The following DNAJC24 variants were observed in gnomAD, a reference collection of about 807,000 sequenced individuals.
The protein encoded by DNAJC24 is dnaJ homolog subfamily C member 24.
Under a neutral mutation model 18.0 loss-of-function variants are expected in DNAJC24, and 17 were observed. The ratio of observed to expected loss-of-function variants is 0.94; its 90% CI spans 0.65 to 1.42. DNAJC24 has a LOEUF of 1.42. Ranked by LOEUF, DNAJC24 falls within the 40% of genes most tolerant of loss-of-function variation. DNAJC24 has a pLI of 0.00. For synonymous variants in DNAJC24, 55 were observed against 57.7 expected, an observed-to-expected ratio of 0.95 and a Z score of 0.21; for missense variants, 158 against 175.6, an observed-to-expected ratio of 0.90 and a Z score of 0.57.
At chr11:31,401,992 T>C (rs1415242494) in intron 2 of DNAJC24, among the ~76,000 whole-genome samples, 1 of 152,208 alleles carries the variant, frequency 6.6e-6, no homozygotes, top group African/African-American at 2.4e-5. Context: ...TGGTTTTGAC[T>C]AGATACAGCC....
At chr11:31,429,170 TGTG>T (rs926783301) in intron 4 of DNAJC24, among the ~76,000 whole-genome samples, 5 of 151,942 alleles carry the variant, frequency 3.3e-5, no homozygotes, top group African/African-American at 1.2e-4. Context: ...GCAAAGGCAT[TGTG>T]GTAAAGAATA....
intron 3 of DNAJC24, among the ~76,000 whole-genome samples, chr11:31,418,139 G>A (rs1952768194): frequency 6.6e-6 from 1 of 152,054 alleles, no homozygotes; most frequent in Non-Finnish European, 1.5e-5. Context: ...ATTAGTTCTA[G>A]TTGGCATATT....
chr11:31,379,463 G>T (rs1952353519), intron 2 of DNAJC24, among the ~76,000 whole-genome samples: 1 of 152,134 alleles, frequency 6.6e-6, no homozygotes, highest in Non-Finnish European at 1.5e-5. Flanking sequence ...AAAAAGGTTG[G>T]GGACCGCTGC....
intron 3 of DNAJC24, chr11:31,416,997 G>C (rs532636051): frequency 3.9e-5 from 6 of 152,246 alleles, no homozygotes; most frequent in Admixed American, 1.3e-4. Flanking sequence ...TTTAGACAAA[G>C]TAAATACTGT....
intron 3 of DNAJC24, chr11:31,415,218 TACTA>T (rs757165983): frequency 2.4e-4 from 78 of 323,626 alleles, no homozygotes; most frequent in African/African-American, 6.0e-4. Context: ...AATTACACAT[TACTA>T]ACTAATATGC....
intron 2 of DNAJC24, among the ~76,000 whole-genome samples, chr11:31,397,922 C>T (rs1395717153): frequency 6.6e-6 from 1 of 151,798 alleles, no homozygotes; most frequent in African/African-American, 2.4e-5. Flanking sequence ...CCTGCCTCAG[C>T]CTCCCGAGTA....
intron 2 of DNAJC24, among the ~76,000 whole-genome samples, chr11:31,409,308 T>G (rs1199925255): frequency 6.6e-6 from 1 of 152,204 alleles, no homozygotes; most frequent in Non-Finnish European, 1.5e-5. Context: ...AGTGTTAAGT[T>G]TGGTGAGTTT....
chr11:31,398,228 T>C (rs75995837), intron 2 of DNAJC24, among the ~76,000 whole-genome samples: 11 of 152,120 alleles, frequency 7.2e-5, no homozygotes, highest in Non-Finnish European at 1.5e-4. Flanking sequence ...CTTTTTTTTT[T>C]CCCTGTCAGT....
intron 2 of DNAJC24, among the ~76,000 whole-genome samples, chr11:31,408,597 A>C (rs150315410): frequency 5.9e-5 from 9 of 152,242 alleles, no homozygotes; most frequent in Non-Finnish European, 7.3e-5. Flanking sequence ...TGAAATAGTC[A>C]TTTAGAAAAC....
intron 2 of DNAJC24, among the ~76,000 whole-genome samples, chr11:31,402,514 TA>T (rs1952609267): frequency 6.6e-6 from 1 of 152,140 alleles, no homozygotes; most frequent in South Asian, 2.1e-4. Flanking sequence ...CAAAGTTTTT[TA>T]AAAAAATTAT....
chr11:31,370,667 T>C, intron 1 of DNAJC24, 49 bp from the exon 2 acceptor site: 1 of 895,658 alleles, frequency 1.1e-6, no homozygotes. Context: ...TAATTTTTTC[T>C]TAGATACATG....
At chr11:31,391,743 C>A (rs1042997058) in intron 2 of DNAJC24, among the ~76,000 whole-genome samples, 1 of 152,096 alleles carries the variant, frequency 6.6e-6, no homozygotes, top group Non-Finnish European at 1.5e-5. Flanking sequence ...CCAGCAAATC[C>A]CACTGCTAGA....
intron 2 of DNAJC24, among the ~76,000 whole-genome samples, chr11:31,383,023 A>C (rs1952392513): frequency 6.6e-6 from 1 of 152,184 alleles, no homozygotes; most frequent in African/African-American, 2.4e-5. Flanking sequence ...ATTTTGAAGA[A>C]TATAAATGAA....
intron 2 of DNAJC24, among the ~76,000 whole-genome samples, chr11:31,405,075 G>GT (rs397848726): frequency 2.1e-3 from 173 of 83,788 alleles, no homozygotes; most frequent in South Asian, 5.3e-3. Flanking sequence ...TCTTTTTTTT[G>GT]TTTTTTTTTT....
chr11:31,401,425 C>G (rs1952600180), intron 2 of DNAJC24, among the ~76,000 whole-genome samples: 1 of 151,974 alleles, frequency 6.6e-6, no homozygotes, highest in Admixed American at 6.6e-5. Context: ...CTTTCTTCCT[C>G]CTCCTCTTCT....
intron 2 of DNAJC24, among the ~76,000 whole-genome samples, chr11:31,378,655 GT>G (rs902564951): frequency 2.2e-4 from 32 of 148,500 alleles, no homozygotes; most frequent in African/African-American, 4.2e-4. Flanking sequence ...CTTTCCAGTG[GT>G]TTTTTTTTTA....
At chr11:31,377,165 G>A (rs1325212173) in intron 2 of DNAJC24, among the ~76,000 whole-genome samples, 1 of 152,046 alleles carries the variant, frequency 6.6e-6, no homozygotes, top group Non-Finnish European at 1.5e-5. Context: ...AATTTTCTAA[G>A]TTCAGAAGAC....
intron 2 of DNAJC24, among the ~76,000 whole-genome samples, chr11:31,395,474 G>A (rs1368264262): frequency 1.3e-5 from 2 of 152,130 alleles, no homozygotes; most frequent in South Asian, 2.1e-4. Flanking sequence ...CCACCAAACT[G>A]CTTTCCACAG....
intron 2 of DNAJC24, among the ~76,000 whole-genome samples, chr11:31,381,577 T>A (rs907255800): frequency 1.4e-5 from 2 of 141,568 alleles, no homozygotes; most frequent in African/African-American, 5.7e-5. Context: ...AAAAAAAAAT[T>A]TTTTTTTTTT....
Sources: allele counts gnomAD v4.1 joint callset (sites outside exome capture counted in the v4.1 genomes callset), GRCh38; gene constraint gnomAD v4.1.1; transcripts MANE v1.5; gene names NCBI Gene and HGNC (gene_info 2026-07-23, HGNC 2026-07-21).